Variants in VWA8 observed in about 807,000 individuals in gnomAD.
VWA8 encodes the protein von Willebrand factor A domain containing 8.
VWA8 carries 221 observed loss-of-function variants against 241.5 expected under a neutral mutation model. That is an observed-to-expected ratio of 0.91 (90% CI 0.82 to 1.02). The LOEUF (loss-of-function observed/expected upper bound fraction) is 1.02, where lower values mean the gene tolerates loss of function less well. Ranked by LOEUF, VWA8 falls within the 50% of genes least tolerant of loss-of-function variation. The probability of loss-of-function intolerance (pLI) is 0.00; values close to 1 mark genes in which losing one functional copy is unlikely to be tolerated. For synonymous variants in VWA8, 852 were observed against 827.1 expected (o/e 1.03, Z -0.52); for missense variants, 2,322 against 2,328.7 (o/e 1.00, Z 0.06).
rs763650422 is a variant in VWA8, at chr13:41,685,180, A to G, written c.4194T>C (p.Asp1398=). ...PSSLHKRSGT[D]TSFYRGKKKR... ...TCTTCTTTCCTCTATAGAATGATGT[A>G]TCAGTGCCACTTCGTTTATGCAAAG... Residue 1398 remains aspartate (D), a synonymous_variant, in exon 35 of 45, where the codon GAT becomes GAC. Coordinates refer to ENST00000379310, the MANE Select transcript of VWA8 (RefSeq NM_015058.2). 4.3e-6 allele frequency: 7 copies of G among 1,613,554 alleles called. No individual in the cohort carries two copies. The highest frequency in any genetic ancestry group is 5.9e-6 in the Non-Finnish European group (7 of 1,179,722).
At chr13:41,650,554 T>C (rs1022072372) in intron 37 of VWA8, among the ~76,000 whole-genome samples, 1 of 152,230 alleles carries the variant, frequency 6.6e-6, no homozygotes, top group Admixed American at 6.5e-5. Context: ...TCTCCAGTTT[T>C]ATCATCCCTC....
intron 17 of VWA8, among the ~76,000 whole-genome samples, chr13:41,794,351 T>A (rs1869592586): frequency 6.6e-6 from 1 of 152,178 alleles, no homozygotes. Flanking sequence ...GTCCTTCAAT[T>A]CCCTTGTTAG....
chr13:41,614,515 C>G (rs2139662731), intron 38 of VWA8, among the ~76,000 whole-genome samples: 1 of 152,300 alleles, frequency 6.6e-6, no homozygotes, highest in Admixed American at 6.5e-5. Context: ...ATGTGGAAGA[C>G]AAGGACCATT....
chr13:41,799,277 T>A (rs1487349457), intron 17 of VWA8, among the ~76,000 whole-genome samples: 1 of 152,194 alleles, frequency 6.6e-6, no homozygotes, highest in East Asian at 1.9e-4. Context: ...TTGCCACAGA[T>A]TGGTTTTCAA....
At chr13:41,708,432 T>C (rs1035436196) in intron 26 of VWA8, among the ~76,000 whole-genome samples, 1 of 152,156 alleles carries the variant, frequency 6.6e-6, no homozygotes, top group African/African-American at 2.4e-5. Context: ...AAATGCCCCT[T>C]TACATACTTG....
intron 21 of VWA8, among the ~76,000 whole-genome samples, chr13:41,747,152 G>A (rs1376546722): frequency 1.3e-5 from 2 of 152,216 alleles, no homozygotes; most frequent in African/African-American, 2.4e-5. Flanking sequence ...TTGGTAGCTT[G>A]ATGGGGATGA....
rs59813167 is a variant in VWA8, at chr13:41,574,174, T to TAA, written c.5370+1564_5370+1565dup. Among the ~76,000 whole-genome samples, 1,116 of 137,228 alleles carry TAA rather than the reference T, an allele frequency of 8.1e-3. 17 individuals carry two copies. Among genetic ancestry groups the TAA allele is most frequent in the African/African-American group, 0.026 (990 of 37,424 alleles). The allele number at this position is 137,228 out of a possible 152,430, so 90.0% of individuals were successfully genotyped here. A position where few individuals can be genotyped will look rare whatever the true frequency, so the allele number is the denominator to read the frequency against. On this transcript the variant is annotated intron_variant, in intron 43 of 44. Transcript: ENST00000379310. ...ATCAACATTAAAGAAAAGTTTTCTG[T>TAA]AAAAAAAAAAAAAAAGAAAACCCTA...
intron 29 of VWA8, among the ~76,000 whole-genome samples, chr13:41,693,806 A>C (rs2045195074): frequency 6.6e-6 from 1 of 152,098 alleles, no homozygotes; most frequent in Admixed American, 6.6e-5. Context: ...TTGGCTTTTT[A>C]GTTAAAATAT....
intron 37 of VWA8, among the ~76,000 whole-genome samples, chr13:41,650,185 T>C (rs902495977): frequency 6.6e-6 from 1 of 152,256 alleles, no homozygotes; most frequent in Non-Finnish European, 1.5e-5. Context: ...AATAATATTG[T>C]ATACTTATAT....
At chr13:41,814,194 G>T (rs76287562) in intron 16 of VWA8, among the ~76,000 whole-genome samples, 1,844 of 152,250 alleles carry the variant, frequency 0.012, 17 homozygotes, top group South Asian at 0.028. Context: ...CAGGCCGCAG[G>T]CTGGGAAATG....
chr13:41,759,096 G>C (rs2045720476), intron 21 of VWA8, among the ~76,000 whole-genome samples: 1 of 151,548 alleles, frequency 6.6e-6, no homozygotes, highest in East Asian at 1.9e-4. Context: ...TATGTTCATA[G>C]GAAATTCTGA....
intron 37 of VWA8, among the ~76,000 whole-genome samples, chr13:41,624,932 G>C (rs2044679838): frequency 6.6e-6 from 1 of 152,144 alleles, no homozygotes; most frequent in Non-Finnish European, 1.5e-5. Flanking sequence ...TGTAGTCTCT[G>C]CCCAAAGGCT....
intron 37 of VWA8, among the ~76,000 whole-genome samples, chr13:41,652,008 C>G (rs73466921): frequency 0.034 from 5,231 of 152,240 alleles, 293 homozygotes; most frequent in African/African-American, 0.12. Context: ...TGAGATTTCA[C>G]TTAAAAATCT....
At chr13:41,573,486 A>AAAAAAATAAAT in intron 43 of VWA8, among the ~76,000 whole-genome samples, 2 of 113,614 alleles carry the variant, frequency 1.8e-5, no homozygotes, top group African/African-American at 3.4e-5. Flanking sequence ...AAAAAAAAAA[A>AAAAAAATAAAT]ATATATATAT....
intron 9 of VWA8, among the ~76,000 whole-genome samples, chr13:41,868,869 A>G (rs1873445454): frequency 6.7e-6 from 1 of 148,624 alleles, no homozygotes; most frequent in Non-Finnish European, 1.5e-5. Context: ...GCATGGGCAA[A>G]ACGGCAAGAC....
chr13:41,824,709 T>C (rs912841014), intron 14 of VWA8, among the ~76,000 whole-genome samples: 1 of 151,932 alleles, frequency 6.6e-6, no homozygotes, highest in Non-Finnish European at 1.5e-5. Flanking sequence ...TGTGCACCTG[T>C]AGTTCCAGCT....
chr13:41,940,155 T>A (rs1877528505), intron 2 of VWA8, among the ~76,000 whole-genome samples: 1 of 152,228 alleles, frequency 6.6e-6, no homozygotes, highest in South Asian at 2.1e-4. Context: ...CCTCCTTCTC[T>A]GGTCCTACTT....
At chr13:41,954,412 C>G (rs1394426073) in intron 1 of VWA8, among the ~76,000 whole-genome samples, 1 of 152,172 alleles carries the variant, frequency 6.6e-6, no homozygotes, top group Non-Finnish European at 1.5e-5. Flanking sequence ...CTCTTGTATT[C>G]CTATCTCAGT....
chr13:41,886,663 G>T, intron 7 of VWA8, 118 bp downstream of exon 7: 1 of 875,684 alleles, frequency 1.1e-6, no homozygotes, highest in Non-Finnish European at 1.8e-6. Context: ...TCCTAATACT[G>T]AAAAATTCTT....
Sources: allele counts gnomAD v4.1 joint callset (sites outside exome capture counted in the v4.1 genomes callset), GRCh38; gene constraint gnomAD v4.1.1; transcripts MANE v1.5; gene names NCBI Gene and HGNC (gene_info 2026-07-23, HGNC 2026-07-21).